CSGALNACT1: variants seen among roughly 807,000 people sequenced by gnomAD.
CSGALNACT1 encodes chondroitin sulfate N-acetylgalactosaminyltransferase 1.
CSGALNACT1 carries 52 observed loss-of-function variants against 51.0 expected under a neutral mutation model. The ratio of observed to expected loss-of-function variants is 1.02; its 90% confidence interval spans 0.82 to 1.29. The LOEUF (loss-of-function observed/expected upper bound fraction) is 1.29. Ranked by LOEUF, CSGALNACT1 falls within the 50% of genes most tolerant of loss-of-function variation. The pLI is 0.00. For synonymous variants in CSGALNACT1, 341 were observed against 254.4 expected, an observed-to-expected ratio of 1.34 and a Z score of -3.24; for missense variants, 935 against 679.2, an observed-to-expected ratio of 1.38 and a Z score of -4.19.
chr8:19,461,829 GGAGGGTGTATCTGCACAGCA>G lies in CSGALNACT1; in HGVS notation c.635-3207_635-3188del, dbSNP rs1397869560. On this transcript the variant is annotated intron_variant, in intron 4 of 9. Coordinates refer to ENST00000454498, the Ensembl canonical transcript of CSGALNACT1. Reference sequence around the variant, plus strand: ...TCCCCACAGCAGCCACATTAGCCATGGAGGGTGTATCTGCACAGCAGCCACATTCACCATGGAGGGCGTAT... The same window carrying G: ...TCCCCACAGCAGCCACATTAGCCATGGCCACATTCACCATGGAGGGCGTAT... 3.3e-4 allele frequency among the ~76,000 whole-genome samples: 48 copies of G among 147,008 alleles called. 17 individuals carry two copies. The highest frequency in any genetic ancestry group is 2.0e-3 in the East Asian group (10 of 4,912).
intron 8 of CSGALNACT1, among the ~76,000 whole-genome samples, chr8:19,416,168 G>A (rs1315989323): frequency 1.4e-5 from 2 of 146,488 alleles, no homozygotes; most frequent in Non-Finnish European, 3.0e-5. Flanking sequence ...AGGCTGGAGT[G>A]CAGTGGCACG....
intron 1 of CSGALNACT1, chr8:19,642,058 A>G (rs2056799959): frequency 6.6e-6 from 1 of 152,216 alleles, no homozygotes. Flanking sequence ...ACTGAAAACT[A>G]AGAGGCTTCT....
chr8:19,601,835 C>T (rs907514830), exon 2 of CSGALNACT1: 6 of 453,892 alleles, frequency 1.3e-5, no homozygotes, highest in African/African-American at 1.0e-4. Context: ...TCAAAATTAC[C>T]TTGGCGTCTT....
chr8:19,742,598 C>T (rs2154250468), intron 1 of CSGALNACT1, among the ~76,000 whole-genome samples: 1 of 152,340 alleles, frequency 6.6e-6, no homozygotes, highest in Non-Finnish European at 1.5e-5. Context: ...CCCTGAAATT[C>T]TCAAAGGCTG....
chr8:19,429,043 C>G (rs1294213559), intron 6 of CSGALNACT1, among the ~76,000 whole-genome samples: 1 of 152,092 alleles, frequency 6.6e-6, no homozygotes, highest in Admixed American at 6.5e-5. Flanking sequence ...AAATCCTATA[C>G]CCAAGAAACA....
intron 1 of CSGALNACT1, among the ~76,000 whole-genome samples, chr8:19,652,315 G>A (rs2057886911): frequency 1.3e-5 from 2 of 152,022 alleles, no homozygotes; most frequent in South Asian, 4.2e-4. Flanking sequence ...CTTTCCTTAA[G>A]GTAAATATTT....
intron 5 of CSGALNACT1, among the ~76,000 whole-genome samples, chr8:19,458,029 G>A (rs909528416): frequency 6.6e-6 from 1 of 152,194 alleles, no homozygotes; most frequent in African/African-American, 2.4e-5. Context: ...CTCGCCAACT[G>A]TCAACGTGGG....
At chr8:19,599,395 G>A (rs752998456) in intron 2 of CSGALNACT1, among the ~76,000 whole-genome samples, 13 of 149,714 alleles carry the variant, frequency 8.7e-5, no homozygotes, top group Non-Finnish European at 1.5e-4. Context: ...ACTTTGGGAG[G>A]CCAAGGAAAA....
At chr8:19,673,534 T>C (rs776278400) in intron 1 of CSGALNACT1, among the ~76,000 whole-genome samples, 4 of 152,212 alleles carry the variant, frequency 2.6e-5, no homozygotes, top group Admixed American at 6.5e-5. Flanking sequence ...GTCTTCAAGA[T>C]GCACCACAGG....
At position 19,565,691 on chromosome 8, in the gene CSGALNACT1, G is replaced by A. The variant is rs544271877; in HGVS notation, c.-297+25469C>T. On this transcript the variant is annotated intron_variant, in intron 3 of 9. Transcript: ENST00000454498. ...CCCAGCACTTTGGGAGGCCAAGGTG[G>A]GTGGATCATCTGAGGTCAGGTGTTC... Among the ~76,000 whole-genome samples the A allele has an allele frequency of 1.5e-3, 224 of 152,236 alleles. 1 individual carries two copies. Among genetic ancestry groups the A allele is most frequent in the African/African-American group, 5.2e-3 (215 of 41,526 alleles).
intron 6 of CSGALNACT1, among the ~76,000 whole-genome samples, chr8:19,428,871 GTGTGTA>G (rs1204175523): frequency 3.9e-5 from 5 of 128,162 alleles, no homozygotes; most frequent in East Asian, 4.7e-4. Context: ...GTGTGTGTGT[GTGTGTA>G]TGCATGCTGT....
intron 3 of CSGALNACT1, among the ~76,000 whole-genome samples, chr8:19,552,754 G>C (rs1372442161): frequency 1.3e-5 from 2 of 152,182 alleles, no homozygotes; most frequent in African/African-American, 2.4e-5. Context: ...GTTTCCTTGT[G>C]TAAAAAGTGT....
intron 1 of CSGALNACT1, among the ~76,000 whole-genome samples, chr8:19,654,407 A>G (rs1476657583): frequency 6.6e-6 from 1 of 152,198 alleles, no homozygotes; most frequent in Non-Finnish European, 1.5e-5. Flanking sequence ...GGAAAGAGAA[A>G]AGCTTTCGAA....
chr8:19,559,617 C>T (rs55808915), intron 3 of CSGALNACT1, among the ~76,000 whole-genome samples: 44,725 of 151,878 alleles, frequency 0.29, 7,570 homozygotes, highest in African/African-American at 0.48. Flanking sequence ...TGTAGGGAAA[C>T]CAATTAGCAA....
chr8:19,662,942 A>C (rs1473467352), intron 1 of CSGALNACT1, among the ~76,000 whole-genome samples: 1 of 152,182 alleles, frequency 6.6e-6, no homozygotes, highest in Non-Finnish European at 1.5e-5. Context: ...AGAAACCCAA[A>C]CATCTGTTTG....
intron 1 of CSGALNACT1, among the ~76,000 whole-genome samples, chr8:19,755,409 A>G (rs1029592139): frequency 4.1e-5 from 6 of 146,520 alleles, no homozygotes; most frequent in African/African-American, 1.5e-4. Context: ...ATTTTTTTTA[A>G]ATGTTGAAAC....
Position 19,666,871 on chromosome 8 carries a change from AAGAAAG to A in CSGALNACT1, c.-544+15596_-544+15601del, listed in dbSNP as rs1262611069. 6.1e-5 allele frequency among the ~76,000 whole-genome samples: 8 copies of A among 130,828 alleles called. No individual in the cohort carries two copies. The East Asian group carries it at 1.7e-3, about 27-fold the overall frequency. 85.8% of individuals were successfully genotyped at this position (130,828 alleles called of 152,430 possible). A position where few individuals can be genotyped will look rare whatever the true frequency, so the allele number is the denominator to read the frequency against. ...AAAGAAAGAAAGAAAGAAAGAAAGA[AAGAAAG>A]AAAGAAAGAGAGAGAGGAAGTGAGG... On this transcript the variant is annotated intron_variant, in intron 1 of 9. Coordinates refer to the CSGALNACT1 transcript ENST00000332246.
chr8:19,611,471 T>G (rs911748216), intron 1 of CSGALNACT1, among the ~76,000 whole-genome samples: 3 of 152,244 alleles, frequency 2.0e-5, no homozygotes, highest in Non-Finnish European at 4.4e-5. Context: ...TTATCCTATT[T>G]AATTCTCACC....
chr8:19,431,044 A>G (rs1029031039), intron 6 of CSGALNACT1, among the ~76,000 whole-genome samples: 1 of 152,140 alleles, frequency 6.6e-6, no homozygotes, highest in African/African-American at 2.4e-5. Context: ...TCACAACTTT[A>G]CTGAATTTGT....
Sources: allele counts gnomAD v4.1 joint callset (sites outside exome capture counted in the v4.1 genomes callset), GRCh38; gene constraint gnomAD v4.1.1; transcripts MANE v1.5; gene names NCBI Gene and HGNC (gene_info 2026-07-23, HGNC 2026-07-21).